CELF2: variants seen among roughly 807,000 people sequenced by gnomAD.
The protein encoded by CELF2 is CUGBP Elav-like family member 2, also known as CUG triplet repeat RNA-binding protein 2.
CELF2 carries 8 observed loss-of-function variants against 62.6 expected under a neutral mutation model. The observed-to-expected ratio is 0.13, with a 90% CI of 0.07 to 0.23. The LOEUF (loss-of-function observed/expected upper bound fraction) is 0.23, where lower values mean the gene tolerates loss of function less well. Ranked by LOEUF, CELF2 falls within the 10% of genes least tolerant of loss-of-function variation. CELF2 has a pLI of 1.00. For missense variants in CELF2, 333 were observed against 671.0 expected, an observed-to-expected ratio of 0.50 and a Z score of 5.56; for synonymous variants, 258 against 250.0, an observed-to-expected ratio of 1.03 and a Z score of -0.30.
intron 9 of CELF2, among the ~76,000 whole-genome samples, chr10:11,292,230 G>T (rs1242499611): frequency 2.0e-5 from 3 of 152,210 alleles, no homozygotes; most frequent in Non-Finnish European, 4.4e-5. Context: ...TCAAGGAAAT[G>T]GTGACACTTC....
chr10:11,197,083 G>GAAAGAAAGAAAAGAAAGAAAGGA (rs1554936937), intron 2 of CELF2, among the ~76,000 whole-genome samples: 3 of 114,808 alleles, frequency 2.6e-5, no homozygotes, highest in East Asian at 4.2e-4. Context: ...AAGAAAGAAA[G>GAAAGAAAGAAAAGAAAGAAAGGA]AAGAAAGAAA....
chr10:10,846,332 C>T (rs1320256023), intron 1 of CELF2, among the ~76,000 whole-genome samples: 3 of 152,164 alleles, frequency 2.0e-5, no homozygotes, highest in Non-Finnish European at 2.9e-5. Context: ...AATCTTCCCC[C>T]TCACTGCCCA....
At chr10:10,665,262 A>T in the CELF2 span, among the ~76,000 whole-genome samples, 2 of 152,218 alleles carry the variant, frequency 1.3e-5, no homozygotes, top group African/African-American at 2.4e-5. Context: ...AAAATTAAAT[A>T]CAGAGCTATG....
chr10:11,043,407 T>C (rs2062195973), intron 1 of CELF2, among the ~76,000 whole-genome samples: 1 of 152,198 alleles, frequency 6.6e-6, no homozygotes, highest in South Asian at 2.1e-4. Context: ...ATTTTCCCAT[T>C]ATAAGGAATG....
chr10:11,038,542 T>C (rs1340321781), intron 1 of CELF2, among the ~76,000 whole-genome samples: 1 of 152,200 alleles, frequency 6.6e-6, no homozygotes, highest in Non-Finnish European at 1.5e-5. Context: ...AAAAGAGTAG[T>C]AGTTATGGTA....
chr10:10,697,763 A>G, the CELF2 span, among the ~76,000 whole-genome samples: 7 of 152,148 alleles, frequency 4.6e-5, 1 homozygote, highest in South Asian at 1.5e-3. Context: ...CACCCCCCCA[A>G]TACCATCACC....
intron 10 of CELF2, chr10:11,320,843 T>A: frequency 4.6e-6 from 7 of 1,509,202 alleles, no homozygotes; most frequent in East Asian, 2.5e-5. Flanking sequence ...TTTTTTTTTT[T>A]ACATGCTCCT....
At chr10:11,161,824 A>G (rs963240954) in intron 1 of CELF2, among the ~76,000 whole-genome samples, 3 of 152,174 alleles carry the variant, frequency 2.0e-5, no homozygotes, top group Non-Finnish European at 2.9e-5. Flanking sequence ...TGGGGTGTCT[A>G]TTCCTGTAAT....
chr10:11,168,100 T>C (rs1271598481), intron 2 of CELF2, among the ~76,000 whole-genome samples: 2 of 152,164 alleles, frequency 1.3e-5, no homozygotes, highest in African/African-American at 4.8e-5. Flanking sequence ...GAAATTTCAT[T>C]CTTGAAGAAT....
intron 1 of CELF2, chr10:11,030,312 A>G (rs1001418147): frequency 2.6e-5 from 4 of 152,212 alleles, no homozygotes; most frequent in African/African-American, 7.2e-5. Context: ...TGTCATTTCC[A>G]TCTCACAAAT....
chr10:10,628,185 T>C, the CELF2 span, among the ~76,000 whole-genome samples: 1 of 152,206 alleles, frequency 6.6e-6, no homozygotes. Context: ...ATTACAGCCA[T>C]GAGCCACCAT....
intron 8 of CELF2, 94 bp downstream of exon 8, chr10:11,275,214 C>A: frequency 1.6e-6 from 2 of 1,220,556 alleles, no homozygotes; most frequent in Non-Finnish European, 2.4e-6. Context: ...GGGAAGAGAA[C>A]CAAGAATGAT....
intron 2 of CELF2, among the ~76,000 whole-genome samples, chr10:11,189,236 A>G (rs1369628573): frequency 3.9e-5 from 6 of 152,138 alleles, no homozygotes; most frequent in African/African-American, 1.4e-4. Context: ...TGCATTGATC[A>G]TCACTGGATA....
At position 11,332,912 on chromosome 10, in the gene CELF2, TTGCACCTGTC is replaced by T. The variant is rs2096056035; in HGVS notation, c.*3861_*3870del. 6.6e-6 allele frequency: 1 copy of T among 152,586 alleles called. No homozygotes were observed. Among genetic ancestry groups the T allele is most frequent in the East Asian group, 1.9e-4 (1 of 5,198 alleles). 9.5% of individuals were successfully genotyped at this position (152,586 alleles called of 1,614,324 possible). On this transcript the variant is annotated 3_prime_UTR_variant, in exon 13 of 13. Transcript: ENST00000633077. ...GCAATCAGCTTAATAACAACACTTA[TTGCACCTGTC>T]TCTCTCTGAGAACACGGTGTGTCTC...
At chr10:10,871,558 G>A (rs796567423) in intron 1 of CELF2, among the ~76,000 whole-genome samples, 5 of 152,188 alleles carry the variant, frequency 3.3e-5, no homozygotes, top group African/African-American at 1.2e-4. Flanking sequence ...GGCTGAGGAG[G>A]GCAGATCACG....
intron 1 of CELF2, among the ~76,000 whole-genome samples, chr10:10,876,700 A>T (rs1432263653): frequency 9.9e-5 from 15 of 152,158 alleles, no homozygotes. Context: ...ACTCTCCAGA[A>T]TGCCTCTCCA....
Position 11,127,393 on chromosome 10 carries a change from C to T in CELF2, c.75-38093C>T, listed in dbSNP as rs190426746. ...CTTCATACTAGCATGATTTATAATCCTTTGGGTTTATACCCAGTAATGGGA... is the reference window on the plus strand; with the variant it reads ...CTTCATACTAGCATGATTTATAATCTTTTGGGTTTATACCCAGTAATGGGA... On this transcript the variant is annotated intron_variant, in intron 1 of 12. Transcript: ENST00000633077. Among the ~76,000 whole-genome samples the T allele has an allele frequency of 9.9e-3, 1,512 of 152,238 alleles. 14 individuals carry two copies. Among genetic ancestry groups the T allele is most frequent in the Non-Finnish European group, 0.016 (1,076 of 68,026 alleles).
chr10:10,602,959 C>T, the CELF2 span, among the ~76,000 whole-genome samples: 8 of 151,990 alleles, frequency 5.3e-5, no homozygotes, highest in African/African-American at 1.9e-4. Context: ...CTAAAACATG[C>T]GACTGTGCGT....
chr10:10,663,310 G>A, the CELF2 span, among the ~76,000 whole-genome samples: 5,270 of 152,190 alleles, frequency 0.035, 246 homozygotes, highest in East Asian at 0.26. Flanking sequence ...ATTTAGGATC[G>A]TTCAAGGGGA....
Sources: gnomAD v4.1 joint callset for allele counts (sites outside exome capture counted in the v4.1 genomes callset) on GRCh38, gnomAD v4.1.1 for gene constraint, MANE v1.5 for transcripts, NCBI Gene and HGNC (gene_info 2026-07-23, HGNC 2026-07-21) for gene names.